The following SCAI variants were observed in gnomAD, a reference collection of about 807,000 sequenced individuals.
SCAI encodes the protein protein SCAI.
A neutral mutation model predicts 92.2 loss-of-function variants in SCAI; 24 were observed. That is an observed-to-expected ratio of 0.26 (90% CI 0.19 to 0.37). The LOEUF (loss-of-function observed/expected upper bound fraction) is 0.37, where lower values mean the gene tolerates loss of function less well. SCAI is among the 10% of genes least tolerant of loss of function. The pLI is 1.00. For missense variants in SCAI, 450 were observed against 736.2 expected (o/e 0.61, Z 4.50); for synonymous variants, 261 against 258.6 (o/e 1.01, Z -0.09).
intron 2 of SCAI, among the ~76,000 whole-genome samples, chr9:125,063,305 A>C (rs1833812386): frequency 6.6e-6 from 1 of 151,668 alleles, no homozygotes; most frequent in Non-Finnish European, 1.5e-5. Flanking sequence ...GCCACTCAGG[A>C]AGTGAAGGTT....
At chr9:124,962,050 C>T (rs566076923) in intron 17 of SCAI, among the ~76,000 whole-genome samples, 1 of 151,798 alleles carries the variant, frequency 6.6e-6, no homozygotes, top group Non-Finnish European at 1.5e-5. Flanking sequence ...ATTATCAAAC[C>T]CTTTTTTTGC....
chr9:125,065,336 T>C lies in SCAI; in HGVS notation c.99-9329A>G, dbSNP rs561543894. ...ACTTAATGCCATCAACGTGAACATT[T>C]AAGTAAAATAGACAAACACTGAGAA... On this transcript the variant is annotated intron_variant, in intron 2 of 17. Transcript: ENST00000336505. Among the ~76,000 whole-genome samples, 16 of 152,256 alleles carry C rather than the reference T, an allele frequency of 1.1e-4. No homozygotes were observed. The South Asian group carries it at 2.7e-3, about 26-fold the overall frequency.
intron 2 of SCAI, among the ~76,000 whole-genome samples, chr9:125,125,946 A>ACACACACACC (rs1835261619): frequency 6.7e-6 from 1 of 149,546 alleles, no homozygotes; most frequent in Non-Finnish European, 1.5e-5. Flanking sequence ...ACACACACAC[A>ACACACACACC]CACATTCTCT....
chr9:124,961,319 G>A (rs982062626), intron 17 of SCAI, among the ~76,000 whole-genome samples: 2 of 151,420 alleles, frequency 1.3e-5, no homozygotes, highest in African/African-American at 4.9e-5. Flanking sequence ...TGAAGTGTTT[G>A]TGGGTGACGT....
chr9:125,032,251 G>A (rs1833092430), intron 3 of SCAI, among the ~76,000 whole-genome samples: 1 of 143,354 alleles, frequency 7.0e-6, no homozygotes, highest in Non-Finnish European at 1.5e-5. Context: ...GAGTGCAGTG[G>A]CGCGATCTCG....
At chr9:124,964,911 A>AT (rs1831508572) in intron 17 of SCAI, among the ~76,000 whole-genome samples, 1 of 152,078 alleles carries the variant, frequency 6.6e-6, no homozygotes. Flanking sequence ...ACCCAAGTGC[A>AT]TTTGCACAAA....
intron 14 of SCAI, among the ~76,000 whole-genome samples, chr9:124,980,710 C>A (rs537283391): frequency 6.6e-6 from 1 of 152,246 alleles, no homozygotes; most frequent in African/African-American, 2.4e-5. Context: ...TGGAAGAGGG[C>A]CCCTGGAAGT....
chr9:124,977,945 A>G (rs1372989516), intron 14 of SCAI, among the ~76,000 whole-genome samples: 2 of 152,192 alleles, frequency 1.3e-5, no homozygotes, highest in African/African-American at 4.8e-5. Flanking sequence ...GTAAAAAATT[A>G]AATAATAAAA....
intron 9 of SCAI, among the ~76,000 whole-genome samples, chr9:125,013,743 C>T (rs1229640195): frequency 4.6e-5 from 7 of 152,144 alleles, no homozygotes; most frequent in Non-Finnish European, 1.0e-4. Context: ...GAATTTTAGA[C>T]CAATATCCTT....
chr9:124,966,572 T>C (rs559874359), intron 17 of SCAI, among the ~76,000 whole-genome samples: 2 of 152,324 alleles, frequency 1.3e-5, no homozygotes, highest in East Asian at 1.9e-4. Flanking sequence ...AATGATAAAA[T>C]AGACTAGTGT....
At chr9:125,013,792 C>G (rs1832689561) in intron 9 of SCAI, among the ~76,000 whole-genome samples, 1 of 152,138 alleles carries the variant, frequency 6.6e-6, no homozygotes, top group Admixed American at 6.5e-5. Context: ...AAAATACTGG[C>G]AAACCGAATC....
chr9:124,990,989 T>G (rs573753883), intron 14 of SCAI, among the ~76,000 whole-genome samples: 1 of 152,330 alleles, frequency 6.6e-6, no homozygotes, highest in East Asian at 1.9e-4. Context: ...AAAAGGGCTC[T>G]GAAAGTTTCT....
At chr9:125,009,638 A>T (rs148677825) in intron 9 of SCAI, among the ~76,000 whole-genome samples, 1 of 151,896 alleles carries the variant, frequency 6.6e-6, no homozygotes, top group African/African-American at 2.4e-5. Flanking sequence ...CGTAATCCCA[A>T]CACTTTGGGA....
intron 9 of SCAI, among the ~76,000 whole-genome samples, chr9:125,007,073 C>A (rs1371587074): frequency 2.0e-5 from 3 of 152,104 alleles, no homozygotes; most frequent in African/African-American, 7.2e-5. Context: ...GAGCCGAGAT[C>A]ATGCCACTGC....
intron 3 of SCAI, among the ~76,000 whole-genome samples, chr9:125,042,809 C>A (rs950758829): frequency 6.8e-6 from 1 of 148,024 alleles, no homozygotes; most frequent in Non-Finnish European, 1.5e-5. Flanking sequence ...AGATTTTGTA[C>A]GCAAGTAAAG....
At chr9:124,992,903 G>A (rs1202640794) in intron 14 of SCAI, among the ~76,000 whole-genome samples, 4 of 152,062 alleles carry the variant, frequency 2.6e-5, no homozygotes, top group African/African-American at 9.7e-5. Flanking sequence ...TTTAAAAGTC[G>A]GCATCCAACA....
intron 10 of SCAI, 124 bp from the exon 11 acceptor site, chr9:125,003,339 T>A (rs1048508578): frequency 3.0e-6 from 3 of 991,744 alleles, no homozygotes; most frequent in East Asian, 4.8e-5. Context: ...ACTGTGATGA[T>A]CTATTTCTCC....
intron 14 of SCAI, among the ~76,000 whole-genome samples, chr9:124,982,286 C>T (rs962366179): frequency 6.6e-6 from 1 of 152,150 alleles, no homozygotes; most frequent in Non-Finnish European, 1.5e-5. Flanking sequence ...CAAAGCCATA[C>T]AAGTATTTTG....
intron 6 of SCAI, among the ~76,000 whole-genome samples, chr9:125,022,568 T>C (rs1832890554): frequency 1.3e-5 from 2 of 152,194 alleles, no homozygotes. Flanking sequence ...TGTGCCACCA[T>C]GCCTGGGTAA....
Sources: gnomAD v4.1 joint callset for allele counts (sites outside exome capture counted in the v4.1 genomes callset) on GRCh38, gnomAD v4.1.1 for gene constraint, MANE v1.5 for transcripts, NCBI Gene and HGNC (gene_info 2026-07-23, HGNC 2026-07-21) for gene names.